SRD5A2: variants seen among roughly 807,000 people sequenced by gnomAD.
SRD5A2 encodes steroid 5 alpha-reductase 2.
A neutral mutation model predicts 27.4 loss-of-function variants in SRD5A2; 30 were observed. That is an observed-to-expected ratio of 1.10 (90% CI 0.82 to 1.49). The LOEUF (loss-of-function observed/expected upper bound fraction) is 1.49. Among genes scored for constraint, SRD5A2 ranks in the 40% most tolerant of loss-of-function variants. SRD5A2 has a pLI of 0.00. For missense variants in SRD5A2, 348 were observed against 323.4 expected (o/e 1.08, Z -0.58); for synonymous variants, 141 against 133.6 (o/e 1.06, Z -0.38).
the SRD5A2 span, among the ~76,000 whole-genome samples, chr2:31,611,146 G>C: frequency 6.6e-6 from 1 of 151,904 alleles, no homozygotes; most frequent in Non-Finnish European, 1.5e-5. Context: ...AAAGTCAGTA[G>C]TCAGAATCAA....
chr2:31,633,025 C>G, the SRD5A2 span, among the ~76,000 whole-genome samples: 1 of 151,984 alleles, frequency 6.6e-6, no homozygotes, highest in Non-Finnish European at 1.5e-5. Flanking sequence ...TCTTACACTG[C>G]CGGGGTCAGG....
At chr2:31,646,923 G>T in the SRD5A2 span, among the ~76,000 whole-genome samples, 1 of 152,162 alleles carries the variant, frequency 6.6e-6, no homozygotes, top group South Asian at 2.1e-4. Flanking sequence ...AAGGCGGGCA[G>T]ATCACTCAAG....
upstream of SRD5A2, among the ~76,000 whole-genome samples, chr2:31,585,020 G>A (rs888829726): frequency 3.9e-5 from 6 of 152,166 alleles, no homozygotes; most frequent in African/African-American, 1.4e-4. Context: ...CAATGGTGAG[G>A]CATTAAACTC....
At chr2:31,591,176 C>T in the SRD5A2 span, among the ~76,000 whole-genome samples, 1 of 152,152 alleles carries the variant, frequency 6.6e-6, no homozygotes, top group East Asian at 1.9e-4. Flanking sequence ...AACATTTTTG[C>T]AATCTATTCA....
chr2:31,611,445 AT>A, the SRD5A2 span, among the ~76,000 whole-genome samples: 1 of 152,214 alleles, frequency 6.6e-6, no homozygotes, highest in East Asian at 1.9e-4. Context: ...CAATACAAAT[AT>A]CTTACAAAGG....
chr2:31,545,008 T>C lies in SRD5A2; in HGVS notation c.282-11242A>G, dbSNP rs1037519298. On this transcript the variant is annotated intron_variant, in intron 1 of 4. Coordinates refer to ENST00000622030, the MANE Select transcript of SRD5A2 (RefSeq NM_000348.4). ...CTACCAAGACTAAATCATAAAGAAA[T>C]AGAAAATTTGAAAAGACTTATAACT... Among the ~76,000 whole-genome samples the C allele has an allele frequency of 7.9e-5, 12 of 151,222 alleles. No individual in the cohort carries two copies. In the South Asian group the frequency reaches 1.7e-3, roughly 21 times the overall value.
At chr2:31,548,653 C>A (rs982688837) in intron 1 of SRD5A2, among the ~76,000 whole-genome samples, 2 of 152,148 alleles carry the variant, frequency 1.3e-5, no homozygotes, top group African/African-American at 4.8e-5. Context: ...TAAAATGGTG[C>A]AGCCACTGAG....
chr2:31,601,476 C>G, the SRD5A2 span, among the ~76,000 whole-genome samples: 6 of 152,040 alleles, frequency 3.9e-5, no homozygotes, highest in African/African-American at 1.4e-4. Flanking sequence ...CAGCTTAATT[C>G]TACCAGAGGT....
chr2:31,550,612 C>A (rs1666363609), intron 1 of SRD5A2, among the ~76,000 whole-genome samples: 2 of 151,690 alleles, frequency 1.3e-5, no homozygotes, highest in African/African-American at 4.8e-5. Context: ...ATGTAACCCA[C>A]CTTATTAACA....
chr2:31,567,446 G>GTC (rs1666754818), intron 1 of SRD5A2, among the ~76,000 whole-genome samples: 2 of 85,064 alleles, frequency 2.4e-5, no homozygotes, highest in Admixed American at 1.2e-4. Context: ...GTGTGTGTGT[G>GTC]TGTGTGTGTG....
At position 31,532,597 on chromosome 2, in the gene SRD5A2, C is replaced by T. The variant is rs140568583; in HGVS notation, c.445+1006G>A. Among the ~76,000 whole-genome samples, 1,457 of 152,232 alleles carry T rather than the reference C, an allele frequency of 9.6e-3. 22 individuals carry two copies. Among genetic ancestry groups the T allele is most frequent in the South Asian group, 0.044 (211 of 4,816 alleles). ...ATTATTACAGCCCAGAAACACTCAC[C>T]GTCCCACAAAGAGGCCCAACCCAAC... On this transcript the variant is annotated intron_variant, in intron 2 of 4. Transcript: ENST00000622030.
chr2:31,579,198 T>A (rs906194298), intron 1 of SRD5A2, among the ~76,000 whole-genome samples: 1 of 152,252 alleles, frequency 6.6e-6, no homozygotes, highest in African/African-American at 2.4e-5. Flanking sequence ...ATTTGCCTTT[T>A]AAAAAGAGTG....
At chr2:31,587,384 C>T in the SRD5A2 span, among the ~76,000 whole-genome samples, 1 of 152,160 alleles carries the variant, frequency 6.6e-6, no homozygotes, top group Admixed American at 6.5e-5. Context: ...TACCATTTGA[C>T]CCAGCAATCC....
chr2:31,654,227 T>G, the SRD5A2 span, among the ~76,000 whole-genome samples: 1,224 of 152,246 alleles, frequency 8.0e-3, 11 homozygotes, highest in Non-Finnish European at 0.015. Flanking sequence ...TGAACAGGAC[T>G]GAGATTGGGC....
the SRD5A2 span, among the ~76,000 whole-genome samples, chr2:31,612,334 T>C: frequency 6.7e-6 from 1 of 150,246 alleles, no homozygotes; most frequent in Non-Finnish European, 1.5e-5. Flanking sequence ...TATTGAGTCA[T>C]GCAACAACAA....
At chr2:31,572,322 G>T (rs1028946521) in intron 1 of SRD5A2, among the ~76,000 whole-genome samples, 3 of 152,178 alleles carry the variant, frequency 2.0e-5, no homozygotes, top group Admixed American at 1.3e-4. Context: ...GATGGAAGGA[G>T]GGTGATGATT....
chr2:31,610,707 G>A, the SRD5A2 span, among the ~76,000 whole-genome samples: 1 of 151,774 alleles, frequency 6.6e-6, no homozygotes, highest in Non-Finnish European at 1.5e-5. Context: ...ATCTTTTTTT[G>A]CTGATGACAT....
the SRD5A2 span, among the ~76,000 whole-genome samples, chr2:31,595,874 T>C: frequency 6.6e-6 from 1 of 152,192 alleles, no homozygotes; most frequent in African/African-American, 2.4e-5. Context: ...GTGGGTTTCA[T>C]AGCTGGGACG....
Position 31,523,709 on chromosome 2 carries a change from C to T in SRD5A2, c.*2487G>A, listed in dbSNP as rs1391018194. The T allele has an allele frequency of 4.5e-6, 1 of 221,196 alleles. No individual in the cohort carries two copies. Among genetic ancestry groups the T allele is most frequent in the Non-Finnish European group, 9.0e-6 (1 of 110,526 alleles). 13.7% of individuals were successfully genotyped at this position (221,196 alleles called of 1,614,324 possible). A position where few individuals can be genotyped will look rare whatever the true frequency, so the allele number is the denominator to read the frequency against. On this transcript the variant is annotated 3_prime_UTR_variant, in exon 5 of 5. Coordinates refer to ENST00000622030, the MANE Select transcript of SRD5A2 (RefSeq NM_000348.4). ...TAGATTATTTTAGCCAAAAAACAGT[C>T]CATGGAAACCTCAATTAACTATAAT... is the stretch of plus-strand genomic sequence containing the variant.
Sources: allele counts gnomAD v4.1 joint callset (sites outside exome capture counted in the v4.1 genomes callset), GRCh38; gene constraint gnomAD v4.1.1; transcripts MANE v1.5; gene names NCBI Gene and HGNC (gene_info 2026-07-23, HGNC 2026-07-21).